Variants in PCDHGA10 observed in about 807,000 individuals in gnomAD.
PCDHGA10 encodes protocadherin gamma-A10.
PCDHGA10 carries 42 observed loss-of-function variants against 59.5 expected under a neutral mutation model. That is an observed-to-expected ratio of 0.71 (90% CI 0.55 to 0.91). The LOEUF is 0.91. PCDHGA10 is among the 40% of genes least tolerant of loss of function. PCDHGA10 has a pLI of 0.00. For synonymous variants in PCDHGA10, 511 were observed against 517.2 expected (o/e 0.99, Z 0.16); for missense variants, 1,111 against 1,198.2 (o/e 0.93, Z 1.07).
At chr5:141,443,029 C>T (rs1281303741) in intron 1 of PCDHGA10, among the ~76,000 whole-genome samples, 3 of 152,192 alleles carry the variant, frequency 2.0e-5, no homozygotes, top group Non-Finnish European at 2.9e-5. Flanking sequence ...AGTTGCCAGA[C>T]CTAAACTTTG....
Position 141,432,483 on chromosome 5 carries a change from T to C in PCDHGA10, c.2436+16872T>C, listed in dbSNP as rs776090923. The C allele has an allele frequency of 6.2e-7, 1 of 1,614,136 alleles. No homozygotes were observed. The highest frequency in any genetic ancestry group is 1.1e-5 in the South Asian group (1 of 91,078). ...CTCCCCACGGACGGTTCCACTGGCG[T>C]GGAGCTGGCTCCCCGCTCCGCAGAG... On this transcript the variant is annotated intron_variant, in intron 1 of 3. Coordinates refer to ENST00000398610, the MANE Select transcript of PCDHGA10 (RefSeq NM_018913.3). The surrounding 1 kb of genome is among the most constrained non-coding windows in gnomAD (Gnocchi z 6.0).
At position 141,476,356 on chromosome 5, in the gene PCDHGA10, C is replaced by T. The variant is rs757679991; in HGVS notation, c.2437-18451C>T. The stretch of plus-strand genomic sequence containing the variant: ...CTAGCCGAAGATTCTTTGAGGTGAA[C>T]CGGGAGACCGGAGAGATGTTTGTGA... On this transcript the variant is annotated intron_variant, in intron 1 of 3. Coordinates refer to ENST00000398610, the MANE Select transcript of PCDHGA10 (RefSeq NM_018913.3). This position sits in a 1 kb window ranked among gnomAD's most constrained non-coding sequence, Gnocchi z 7.6. 6 of 1,613,958 alleles carry T rather than the reference C, an allele frequency of 3.7e-6. No individual in the cohort carries two copies. The African/African-American group carries it at 4.0e-5, about 11-fold the overall frequency.
Position 141,415,403 on chromosome 5 carries a change from A to C in PCDHGA10, c.2228A>C (p.His743Pro), listed in dbSNP as rs757508926. The change falls in exon 1 of 4, where the codon CAC becomes CCC. Residue 743 changes from histidine to proline, a missense_variant. Transcript: ENST00000398610. ...GGCTTGACAGGTGTGTCCGGCTCGC[A>C]CTTTGTGGGCGTGGACGGGGTTCGG... is the stretch of plus-strand genomic sequence containing the variant. The part of the protein sequence containing the change: ...GGGLTGVSGS[H>P]FVGVDGVRAF... 4.3e-6 allele frequency: 7 copies of C among 1,614,082 alleles called. No homozygotes were observed. The highest frequency in any genetic ancestry group is 4.2e-6 in the Non-Finnish European group (5 of 1,180,042).
rs1236813956 is a variant in PCDHGA10, at chr5:141,480,634, TTTCAAAC to T, written c.2437-14170_2437-14164del. On this transcript the variant is annotated intron_variant, in intron 1 of 3. Transcript: ENST00000398610. The stretch of plus-strand genomic sequence containing the variant: ...ACTGGCATTTTCCCTAGAACAATGT[TTTCAAAC>T]TTGGTTGCACATTAAAATCACCTAG... Among the ~76,000 whole-genome samples the T allele has an allele frequency of 3.9e-5, 6 of 152,332 alleles. No individual in the cohort carries two copies. In the East Asian group the frequency reaches 1.2e-3, roughly 29 times the overall value.
intron 1 of PCDHGA10, chr5:141,439,900 A>G (rs562278732): frequency 6.6e-5 from 10 of 152,362 alleles, no homozygotes; most frequent in African/African-American, 2.2e-4. Flanking sequence ...CAAGGCGACT[A>G]CTGCCTCCTT....
chr5:141,476,317 G>C lies in PCDHGA10; in HGVS notation c.2437-18490G>C, dbSNP rs759809060. The C allele has an allele frequency of 1.2e-6, 2 of 1,614,052 alleles. No homozygotes were observed. The highest frequency in any genetic ancestry group is 2.7e-5 in the African/African-American group (2 of 74,922). ...GTAGCCTCTCAGCCCGCAGGTTCCGGGTGGTGTCTGGAGCTAGCCGAAGAT... is the reference window on the plus strand; with the variant it reads ...GTAGCCTCTCAGCCCGCAGGTTCCGCGTGGTGTCTGGAGCTAGCCGAAGAT... On this transcript the variant is annotated intron_variant, in intron 1 of 3. Coordinates refer to ENST00000398610, the MANE Select transcript of PCDHGA10 (RefSeq NM_018913.3). The surrounding 1 kb of genome is among the most constrained non-coding windows in gnomAD (Gnocchi z 7.6).
chr5:141,505,246 G>GAAGT, intron 2 of PCDHGA10, 147 bp from the exon 3 acceptor site: 3 of 1,436,674 alleles, frequency 2.1e-6, no homozygotes, highest in Non-Finnish European at 2.8e-6. Context: ...AAGGATTGTA[G>GAAGT]AAGTGCCTCC....
rs775898365 is a variant in PCDHGA10 at position 141,476,425 on chromosome 5, T to C, written c.2437-18382T>C. On this transcript the variant is annotated intron_variant, in intron 1 of 3. Transcript: ENST00000398610. This position sits in a 1 kb window ranked among gnomAD's most constrained non-coding sequence, Gnocchi z 7.6. ...AGGAGCTGTGTGGGACACTGCCCTC[T>C]TGCACTGTAACTCTGGAGTTGGTAG... is the stretch of plus-strand genomic sequence containing the variant. The C allele has an allele frequency of 1.2e-6, 2 of 1,614,108 alleles. No homozygotes were observed. Among genetic ancestry groups the C allele is most frequent in the East Asian group, 4.5e-5 (2 of 44,848 alleles).
chr5:141,482,562 C>A (rs1030078543), intron 1 of PCDHGA10, among the ~76,000 whole-genome samples: 68 of 142,616 alleles, frequency 4.8e-4, no homozygotes, highest in African/African-American at 1.8e-3. Flanking sequence ...TAATGGAGAT[C>A]TGCATAGCAT....
chr5:141,483,637 G>C (rs1365525499), intron 1 of PCDHGA10, among the ~76,000 whole-genome samples: 2 of 145,762 alleles, frequency 1.4e-5, no homozygotes. Context: ...AAGGTATAGA[G>C]GGGTGTGTGT....
In PCDHGA10 at chr5:141,431,584, G is replaced by C. The variant is rs201462681; in HGVS notation, c.2436+15973G>C. 5.0e-6 allele frequency: 8 copies of C among 1,614,192 alleles called. No individual in the cohort carries two copies. The Admixed American group carries it at 1.3e-4, about 27-fold the overall frequency. ...CCGACCCTGACGAAGGAGTCAATGC[G>C]GAAGTGAGGTATTCCTTCCGGTATG... On this transcript the variant is annotated intron_variant, in intron 1 of 3. Transcript: ENST00000398610. This position sits in a 1 kb window ranked among gnomAD's most constrained non-coding sequence, Gnocchi z 4.8.
At chr5:141,464,883 T>G (rs995385615) in intron 1 of PCDHGA10, among the ~76,000 whole-genome samples, 1 of 152,086 alleles carries the variant, frequency 6.6e-6, no homozygotes, top group African/African-American at 2.4e-5. Flanking sequence ...GGACTACAGA[T>G]GGATGCCACC....
In PCDHGA10 at chr5:141,476,691, A is replaced by G; in HGVS notation, c.2437-18116A>G. 6.2e-7 allele frequency: 1 copy of G among 1,614,224 alleles called. No individual in the cohort carries two copies. Among genetic ancestry groups the G allele is most frequent in the Non-Finnish European group, 8.5e-7 (1 of 1,180,050 alleles). The stretch of plus-strand genomic sequence containing the variant: ...GTGCAGACGCGGGAGGACAGCACCA[A>G]GTACGCGGAGCTGGTGTTGGAGCGC... On this transcript the variant is annotated intron_variant, in intron 1 of 3. Transcript: ENST00000398610. This position sits in a 1 kb window ranked among gnomAD's most constrained non-coding sequence, Gnocchi z 7.6.
At chr5:141,430,313 G>A (rs1018901791) in intron 1 of PCDHGA10, among the ~76,000 whole-genome samples, 1 of 150,204 alleles carries the variant, frequency 6.7e-6, no homozygotes, top group South Asian at 2.1e-4. Context: ...AACATTATAA[G>A]ATTAAAATCA....
At position 141,491,111 on chromosome 5, in the gene PCDHGA10, A is replaced by G; in HGVS notation, c.2437-3696A>G. 1 of 1,614,162 alleles carries G rather than the reference A, an allele frequency of 6.2e-7. No individual in the cohort carries two copies. Among genetic ancestry groups the G allele is most frequent in the Non-Finnish European group, 8.5e-7 (1 of 1,180,026 alleles). Reference sequence around the variant, plus strand: ...CCAGGACTGTTCCTCGTGTCTACACACACTGGTGAGGTGCGCACAGCCCGG... The same window carrying G: ...CCAGGACTGTTCCTCGTGTCTACACGCACTGGTGAGGTGCGCACAGCCCGG... On this transcript the variant is annotated intron_variant, in intron 1 of 3. Transcript: ENST00000398610. This position sits in a 1 kb window ranked among gnomAD's most constrained non-coding sequence, Gnocchi z 6.9.
At chr5:141,421,296 G>C in intron 1 of PCDHGA10, 1 of 1,613,444 alleles carries the variant, frequency 6.2e-7, no homozygotes, top group Non-Finnish European at 8.5e-7. Context: ...TCCTGGGGAC[G>C]CTGCGGGGGT....
chr5:141,430,480 A>G (rs2097288752), intron 1 of PCDHGA10: 1 of 256,116 alleles, frequency 3.9e-6, no homozygotes, highest in Admixed American at 5.4e-5. Context: ...TTAAGATATA[A>G]AAACGAAATA....
chr5:141,431,356 C>T lies in PCDHGA10; in HGVS notation c.2436+15745C>T. ...ACCCCGAATTGGTGCTGAAACGCGC[C>T]CTGGACCGCGAAGAAAAGGCTGCTC... On this transcript the variant is annotated intron_variant, in intron 1 of 3. Transcript: ENST00000398610. This position sits in a 1 kb window ranked among gnomAD's most constrained non-coding sequence, Gnocchi z 4.8. 6.2e-7 allele frequency: 1 copy of T among 1,614,004 alleles called. No individual in the cohort carries two copies. The highest frequency in any genetic ancestry group is 8.5e-7 in the Non-Finnish European group (1 of 1,180,026).
At position 141,511,271 on chromosome 5, in the gene PCDHGA10, C is replaced by T. The variant is rs371445452; in HGVS notation, c.*98C>T. ...GCCTCAGAGTTTCAGGGCTAACCCC[C>T]AGAATACTGGTAGGGGCCAAGGCCA... On this transcript the variant is annotated 3_prime_UTR_variant, in exon 4 of 4. Transcript: ENST00000398610. 9.1e-6 allele frequency: 14 copies of T among 1,544,094 alleles called. No individual in the cohort carries two copies. In the African/African-American group the frequency reaches 1.6e-4, roughly 18 times the overall value.
Sources: allele counts gnomAD v4.1 joint callset (sites outside exome capture counted in the v4.1 genomes callset), GRCh38; gene constraint gnomAD v4.1.1; non-coding constraint Gnocchi (gnomAD v3.1); transcripts MANE v1.5; gene names NCBI Gene and HGNC (gene_info 2026-07-23, HGNC 2026-07-21).